CEP350: variants seen among roughly 807,000 people sequenced by gnomAD.
The protein encoded by CEP350 is centrosome-associated protein 350.
CEP350 carries 126 observed loss-of-function variants against 331.8 expected under a neutral mutation model. The ratio of observed to expected loss-of-function variants is 0.38; its 90% CI spans 0.33 to 0.44. CEP350 has a LOEUF of 0.44. Among genes scored for constraint, CEP350 ranks in the 20% least tolerant of loss-of-function variants. CEP350 has a pLI of 1.00. For synonymous variants in CEP350, 1,200 were observed against 1,259.5 expected, an observed-to-expected ratio of 0.95 and a Z score of 1.00; for missense variants, 3,406 against 3,634.6, an observed-to-expected ratio of 0.94 and a Z score of 1.62.
intron 32 of CEP350, among the ~76,000 whole-genome samples, chr1:180,089,026 A>G (rs1434543262): frequency 6.6e-6 from 1 of 152,034 alleles, no homozygotes; most frequent in Non-Finnish European, 1.5e-5. Context: ...GTATTTTTCC[A>G]TTATATTATG....
intron 8 of CEP350, among the ~76,000 whole-genome samples, chr1:180,009,323 TA>T (rs1654470207): frequency 6.6e-6 from 1 of 152,242 alleles, no homozygotes; most frequent in South Asian, 2.1e-4. Context: ...ATTACATTTT[TA>T]AAAAGTATTG....
intron 13 of CEP350, 112 bp downstream of exon 13, chr1:180,022,960 G>A: frequency 1.0e-6 from 1 of 963,350 alleles, no homozygotes; most frequent in Middle Eastern, 3.0e-4. Context: ...TACATATAGA[G>A]GCTGCACATC....
chr1:179,964,928 CT>C (rs893828329), intron 1 of CEP350, among the ~76,000 whole-genome samples: 6 of 151,462 alleles, frequency 4.0e-5, no homozygotes, highest in Admixed American at 3.9e-4. Flanking sequence ...TTAGTTACTT[CT>C]TTTTTTTCTG....
At chr1:179,976,355 G>A (rs1028224843) in intron 1 of CEP350, among the ~76,000 whole-genome samples, 1 of 128,116 alleles carries the variant, frequency 7.8e-6, no homozygotes, top group Non-Finnish European at 1.6e-5. Context: ...GGGCTTAAAA[G>A]AAAACATTTT....
chr1:180,095,698 T>C lies in CEP350; in HGVS notation c.8687T>C (p.Val2896Ala), dbSNP rs1481765035. 1 of 1,614,002 alleles carries C rather than the reference T, an allele frequency of 6.2e-7. No homozygotes were observed. The highest frequency in any genetic ancestry group is 2.2e-5 in the East Asian group (1 of 44,880). ...AAAAATAAGGCAGAAGAAACCATTG[T>C]ACCTCTAATGGCAGAACCTAAAAGA... Reference protein sequence around the residue: ...IQKNKAEETIVPLMAEPKRVT... With the variant: ...IQKNKAEETIAPLMAEPKRVT... Residue 2896 changes from valine (V) to alanine (A), a missense_variant, in exon 35 of 38, where the codon GTA (valine) becomes GCA (alanine). Transcript: ENST00000367607.
chr1:180,049,970 A>G (rs1169273069), intron 22 of CEP350, among the ~76,000 whole-genome samples: 2 of 152,248 alleles, frequency 1.3e-5, no homozygotes, highest in Admixed American at 6.5e-5. Context: ...CTACAGTTCT[A>G]CCAGTTTACT....
Position 180,080,580 on chromosome 1 carries a change from G to A in CEP350, c.6043G>A (p.Gly2015Arg), listed in dbSNP as rs1366885206. The change falls in exon 30 of 38, where the codon GGA becomes AGA. Residue 2015 changes from glycine (G) to arginine (R), a missense_variant. Physicochemically the swap from Gly to Arg is moderately radical, Grantham distance 125 (BLOSUM62 -2). Coordinates refer to ENST00000367607, the MANE Select transcript of CEP350 (RefSeq NM_014810.5). Reference sequence around the variant, plus strand: ...GTCTAGCAAAGGAAGTCATAGGACTGGAGGACAATGTCACCTGCCTATCAA... The same window carrying A: ...GTCTAGCAAAGGAAGTCATAGGACTAGAGGACAATGTCACCTGCCTATCAA... Reference protein sequence around the residue: ...QESSKGSHRTGGQCHLPIKSH... With the variant: ...QESSKGSHRTRGQCHLPIKSH... The A allele has an allele frequency of 6.2e-7, 1 of 1,613,616 alleles. No homozygotes were observed. The highest frequency in any genetic ancestry group is 8.5e-7 in the Non-Finnish European group (1 of 1,179,692).
At chr1:180,088,049 C>T (rs1425541623) in intron 32 of CEP350, among the ~76,000 whole-genome samples, 2 of 151,922 alleles carry the variant, frequency 1.3e-5, no homozygotes, top group East Asian at 1.9e-4. Flanking sequence ...AAGTCTGTAA[C>T]CTTTGACCCA....
At chr1:180,084,276 C>T in intron 31 of CEP350, 98 bp downstream of exon 31, 1 of 1,145,178 alleles carries the variant, frequency 8.7e-7, no homozygotes, top group South Asian at 2.9e-5. Context: ...GATTAGGATT[C>T]TTCATTATTA....
At chr1:179,966,650 T>G (rs759589981) in intron 1 of CEP350, among the ~76,000 whole-genome samples, 3 of 152,150 alleles carry the variant, frequency 2.0e-5, no homozygotes, top group Non-Finnish European at 4.4e-5. Context: ...CCTTCAGTAT[T>G]ATCATTTATA....
intron 14 of CEP350, among the ~76,000 whole-genome samples, chr1:180,029,649 C>T (rs1045422709): frequency 6.6e-6 from 1 of 152,128 alleles, no homozygotes; most frequent in Non-Finnish European, 1.5e-5. Flanking sequence ...TTCTGGCAAC[C>T]ACCATTCTAA....
In CEP350 at chr1:179,965,615, C is replaced by CTTT. The variant is rs747027286; in HGVS notation, c.-14+10493_-14+10495dup. On this transcript the variant is annotated intron_variant, in intron 1 of 37. Coordinates refer to ENST00000367607, the MANE Select transcript of CEP350 (RefSeq NM_014810.5). ...AAGTGATCTTTTTTCTTTTTCTTTTCTTTTTTTTTTTTTTTTTTTTTTGAG... is the reference window on the plus strand; with the variant it reads ...AAGTGATCTTTTTTCTTTTTCTTTTCTTTTTTTTTTTTTTTTTTTTTTTTTGAG... Among the ~76,000 whole-genome samples the CTTT allele has an allele frequency of 5.7e-3, 478 of 84,292 alleles. 4 individuals carry two copies. Among genetic ancestry groups the CTTT allele is most frequent in the East Asian group, 0.01 (28 of 2,728 alleles). The allele number at this position is 84,292 out of a possible 152,430, so 55.3% of individuals were successfully genotyped here.
chr1:180,074,879 T>G, intron 27 of CEP350, 143 bp from the exon 28 acceptor site: 1 of 611,804 alleles, frequency 1.6e-6, no homozygotes, highest in Non-Finnish European at 2.7e-6. Flanking sequence ...TTCTATTATC[T>G]CAAGCTTTTT....
At chr1:180,078,365 A>C in intron 28 of CEP350, 98 bp from the exon 29 acceptor site, 1 of 821,922 alleles carries the variant, frequency 1.2e-6, no homozygotes, top group Non-Finnish European at 1.9e-6. Flanking sequence ...ACAAAAATGC[A>C]GTAAGTAATA....
chr1:180,064,762 T>C (rs1197104909), intron 26 of CEP350, among the ~76,000 whole-genome samples: 2 of 152,112 alleles, frequency 1.3e-5, no homozygotes, highest in African/African-American at 4.8e-5. Context: ...CTAATTTTTT[T>C]ATTCCTTTTG....
rs544569894 is a variant in CEP350 at position 179,967,679 on chromosome 1, G to A, written c.-14+12537G>A. On this transcript the variant is annotated intron_variant, in intron 1 of 37. Coordinates refer to ENST00000367607, the MANE Select transcript of CEP350 (RefSeq NM_014810.5). ...GCCCACCTCGGCCTCCCAAAGTGCT[G>A]GTATTACAGGTGTAAGCCACCGGGC... Among the ~76,000 whole-genome samples the A allele has an allele frequency of 3.2e-4, 48 of 152,120 alleles. 1 individual carries two copies. In the East Asian group the frequency reaches 7.7e-3, roughly 24 times the overall value.
At chr1:179,973,487 C>T (rs770677360) in intron 1 of CEP350, among the ~76,000 whole-genome samples, 45 of 152,056 alleles carry the variant, frequency 3.0e-4, no homozygotes, top group Non-Finnish European at 4.1e-4. Flanking sequence ...TATCCAGTAA[C>T]GTTTATATGT....
In CEP350 at chr1:180,094,456, G is replaced by A. The variant is rs745843484; in HGVS notation, c.8351G>A (p.Ser2784Asn). The change falls in exon 34 of 38, where the codon AGC (serine) becomes AAC (asparagine). Residue 2784 changes from serine (S) to asparagine (N), a missense_variant. Ser to Asn is a conservative substitution (Grantham distance 46). Transcript: ENST00000367607. ...ACCAGGGATGAGAAAATCCAGCTTA[G>A]CAATCAGGAGCTTCTTGGTGATGAC... The part of the protein sequence containing the change: ...KKTRDEKIQL[S>N]NQELLGDDQK... 7 of 1,613,838 alleles carry A rather than the reference G, an allele frequency of 4.3e-6. No individual in the cohort carries two copies. Among genetic ancestry groups the A allele is most frequent in the Non-Finnish European group, 5.9e-6 (7 of 1,179,818 alleles).
intron 19 of CEP350, 87 bp from the exon 20 acceptor site, chr1:180,042,969 C>A: frequency 7.0e-7 from 1 of 1,433,882 alleles, no homozygotes; most frequent in South Asian, 1.4e-5. Context: ...AGTCAGTGAT[C>A]TTTCTTTCCA....
Sources: allele counts gnomAD v4.1 joint callset (sites outside exome capture counted in the v4.1 genomes callset), GRCh38; gene constraint gnomAD v4.1.1; transcripts MANE v1.5; gene names NCBI Gene and HGNC (gene_info 2026-07-23, HGNC 2026-07-21).